CDH20: variants seen among roughly 807,000 people sequenced by gnomAD.
The protein encoded by CDH20 is cadherin 20.
CDH20 carries 29 observed loss-of-function variants against 74.2 expected under a neutral mutation model. The ratio of observed to expected loss-of-function variants is 0.39; its 90% CI spans 0.29 to 0.53. The LOEUF (loss-of-function observed/expected upper bound fraction) is 0.53. Ranked by LOEUF, CDH20 falls within the 20% of genes least tolerant of loss-of-function variation. CDH20 has a pLI of 0.69. For missense variants in CDH20, 988 were observed against 1,048.3 expected, an observed-to-expected ratio of 0.94 and a Z score of 0.79; for synonymous variants, 469 against 405.4, an observed-to-expected ratio of 1.16 and a Z score of -1.88.
chr18:61,461,801 G>T (rs1909786584), intron 1 of CDH20, among the ~76,000 whole-genome samples: 1 of 152,114 alleles, frequency 6.6e-6, no homozygotes, highest in Non-Finnish European at 1.5e-5. Flanking sequence ...TTTCCCATTG[G>T]CCATTTGGTA....
chr18:61,381,790 G>A (rs779648255), intron 1 of CDH20, among the ~76,000 whole-genome samples: 1 of 152,184 alleles, frequency 6.6e-6, no homozygotes, highest in African/African-American at 2.4e-5. Context: ...AGATGTCTGA[G>A]ATTTCTTCTT....
intron 1 of CDH20, among the ~76,000 whole-genome samples, chr18:61,427,948 G>A (rs545239991): frequency 4.6e-5 from 7 of 152,182 alleles, no homozygotes; most frequent in Non-Finnish European, 8.8e-5. Flanking sequence ...AGCATTTGCT[G>A]AGCACATACT....
chr18:61,425,054 TC>T (rs1568134104), intron 1 of CDH20, among the ~76,000 whole-genome samples: 9 of 145,330 alleles, frequency 6.2e-5, no homozygotes, highest in Admixed American at 6.0e-4. Context: ...TCTCTCTCTC[TC>T]TCTCTCTCTC....
intron 1 of CDH20, among the ~76,000 whole-genome samples, chr18:61,338,747 G>A (rs1909839394): frequency 6.6e-6 from 1 of 152,078 alleles, no homozygotes; most frequent in Non-Finnish European, 1.5e-5. Flanking sequence ...GCCTGAAATG[G>A]GGGTATCCTC....
rs756516491 is a variant in CDH20 at position 61,554,392 on chromosome 18, G to A, written c.2103G>A (p.Met701Ile). 1.2e-6 allele frequency: 2 copies of A among 1,612,834 alleles called. No homozygotes were observed. The highest frequency in any genetic ancestry group is 4.5e-5 in the East Asian group (2 of 44,864). The change falls in exon 12 of 12, where the codon ATG (methionine) becomes ATA (isoleucine). Residue 701 changes from methionine to isoleucine, a missense_variant. Physicochemically the swap from Met to Ile is conservative, Grantham distance 10 (BLOSUM62 1). Around this residue, in one of 2 missense-constraint regions of CDH20, gnomAD observed 375 missense variants for 293.1 expected, o/e 1.28. Coordinates refer to ENST00000262717, the MANE Select transcript of CDH20 (RefSeq NM_031891.4). ...AGAAPKTRQD[M>I]LPEIESLSRY... ...CCGCCCCCAAGACGCGGCAGGACAT[G>A]CTGCCCGAGATCGAGAGCCTCTCCC...
chr18:61,414,405 A>G (rs1912618184), intron 1 of CDH20, among the ~76,000 whole-genome samples: 1 of 152,188 alleles, frequency 6.6e-6, no homozygotes, highest in Non-Finnish European at 1.5e-5. Flanking sequence ...ATTGTGCAAG[A>G]CAGTAGCTCC....
intron 6 of CDH20, among the ~76,000 whole-genome samples, chr18:61,510,980 C>CTTTTTTTTTTTTTTTTTTTTT (rs112741210): frequency 7.4e-6 from 1 of 136,006 alleles, no homozygotes; most frequent in East Asian, 2.2e-4. Flanking sequence ...TTCTTTCTTT[C>CTTTTTTTTTTTTTTTTTTTTT]TTTTTTTTTT....
Position 61,446,074 on chromosome 18 carries a change from C to T in CDH20, c.-152-44328C>T, listed in dbSNP as rs1362049588. On this transcript the variant is annotated intron_variant, in intron 1 of 11. Coordinates refer to ENST00000262717, the MANE Select transcript of CDH20 (RefSeq NM_031891.4). ...ACAGAAGCCATATCACCTCTTAGGG[C>T]CTAGCCTCAGAACCCACACAGCATC... Among the ~76,000 whole-genome samples the T allele has an allele frequency of 6.6e-5, 10 of 152,270 alleles. No individual in the cohort carries two copies. The East Asian group carries it at 1.9e-3, about 29-fold the overall frequency.
intron 2 of CDH20, among the ~76,000 whole-genome samples, chr18:61,494,079 T>A (rs183784405): frequency 1.1e-3 from 174 of 152,190 alleles, no homozygotes; most frequent in African/African-American, 4.0e-3. Flanking sequence ...GTGAGGTGAG[T>A]ATAACACAGG....
intron 2 of CDH20, 38 bp downstream of exon 2, chr18:61,490,837 T>A (rs1333749941): frequency 6.2e-7 from 1 of 1,602,514 alleles, no homozygotes; most frequent in Non-Finnish European, 8.5e-7. Context: ...GGGTATTGGA[T>A]ATTGAAATTG....
chr18:61,516,875 A>C (rs1481241524), intron 6 of CDH20, among the ~76,000 whole-genome samples: 1 of 152,146 alleles, frequency 6.6e-6, no homozygotes, highest in African/African-American at 2.4e-5. Context: ...TTAAATAAAT[A>C]ATAAAGTTTA....
chr18:61,437,346 ATCCTCT>A (rs1246152863), intron 1 of CDH20, among the ~76,000 whole-genome samples: 1 of 152,172 alleles, frequency 6.6e-6, no homozygotes, highest in Non-Finnish European at 1.5e-5. Flanking sequence ...CATGTTCATC[ATCCTCT>A]TCCATCAGGC....
chr18:61,350,373 C>T (rs188656420), intron 1 of CDH20, among the ~76,000 whole-genome samples: 1 of 152,212 alleles, frequency 6.6e-6, no homozygotes, highest in Non-Finnish European at 1.5e-5. Flanking sequence ...GGACTGCACT[C>T]CCTTTAATAA....
At chr18:61,377,857 T>C (rs1047484017) in intron 1 of CDH20, among the ~76,000 whole-genome samples, 8 of 152,160 alleles carry the variant, frequency 5.3e-5, no homozygotes, top group Non-Finnish European at 1.2e-4. Flanking sequence ...TTGGGCCACT[T>C]ACTAACTCTT....
At chr18:61,460,891 TA>T (rs1909743042) in intron 1 of CDH20, among the ~76,000 whole-genome samples, 1 of 152,208 alleles carries the variant, frequency 6.6e-6, no homozygotes, top group Non-Finnish European at 1.5e-5. Flanking sequence ...TATTTTGAAG[TA>T]ATTTTTTGAT....
rs117842261 is a variant in CDH20 at position 61,338,765 on chromosome 18, A to T, written c.-153+4938A>T. 1.7e-3 allele frequency among the ~76,000 whole-genome samples: 254 copies of T among 152,314 alleles called. 1 individual carries two copies. Among genetic ancestry groups the T allele is most frequent in the Admixed American group, 2.8e-3 (43 of 15,300 alleles). ...TGAAATGGGGGTATCCTCGCTATTT[A>T]TAAGAATGTTTAACAATCAAATCAC... is the stretch of plus-strand genomic sequence containing the variant. On this transcript the variant is annotated intron_variant, in intron 1 of 11. Transcript: ENST00000262717.
intron 1 of CDH20, among the ~76,000 whole-genome samples, chr18:61,371,521 T>A (rs1016200298): frequency 6.6e-6 from 1 of 152,080 alleles, no homozygotes; most frequent in African/African-American, 2.4e-5. Context: ...ATATAAAATA[T>A]GCATTGTCTT....
At chr18:61,463,327 A>C (rs1909851852) in intron 1 of CDH20, among the ~76,000 whole-genome samples, 1 of 152,072 alleles carries the variant, frequency 6.6e-6, no homozygotes, top group Non-Finnish European at 1.5e-5. Flanking sequence ...TACCTCCCTC[A>C]TCCTCCCAGA....
At chr18:61,479,216 CAAAA>C (rs35232545) in intron 1 of CDH20, among the ~76,000 whole-genome samples, 2 of 151,604 alleles carry the variant, frequency 1.3e-5, no homozygotes, top group African/African-American at 4.8e-5. Context: ...TTGCATGGGC[CAAAA>C]AAAAACCCAA....
Sources: gnomAD v4.1 joint callset for allele counts (sites outside exome capture counted in the v4.1 genomes callset) on GRCh38, gnomAD v4.1.1 for gene constraint, gnomAD v4.1.1 regional missense constraint, MANE v1.5 for transcripts, NCBI Gene and HGNC (gene_info 2026-07-23, HGNC 2026-07-21) for gene names.